TIAM2: variants seen among roughly 807,000 people sequenced by gnomAD.
The protein encoded by TIAM2 is TIAM Rac1 associated GEF 2.
In TIAM2, 80 loss-of-function variants were observed where a neutral mutation model predicts 152.9. The ratio of observed to expected loss-of-function variants is 0.52; its 90% confidence interval spans 0.44 to 0.63. TIAM2 has a LOEUF of 0.63. Among genes scored for constraint, TIAM2 ranks in the 30% least tolerant of loss-of-function variants. TIAM2 has a pLI of 0.00. For missense variants in TIAM2, 1,965 were observed against 2,120.1 expected (o/e 0.93, Z 1.44); for synonymous variants, 804 against 838.0 (o/e 0.96, Z 0.70).
chr6:155,192,429 T>A (rs1473378705), intron 14 of TIAM2, among the ~76,000 whole-genome samples: 1 of 152,214 alleles, frequency 6.6e-6, no homozygotes, highest in Non-Finnish European at 1.5e-5. Flanking sequence ...TTCTTGGACT[T>A]GTCGGTCTCT....
At chr6:154,998,601 G>A (rs1562508733) in intron 1 of TIAM2, among the ~76,000 whole-genome samples, 1 of 152,162 alleles carries the variant, frequency 6.6e-6, no homozygotes, top group African/African-American at 2.4e-5. Context: ...TATCATGCAA[G>A]CATTTATAAG....
chr6:155,253,977 A>C lies in TIAM2; in HGVS notation c.4230A>C (p.Thr1410=). The change falls in exon 25 of 27, where the codon ACA becomes ACC. Residue 1410 remains threonine, a synonymous_variant. Transcript: ENST00000682666. The part of the protein sequence containing the change: ...LQVRLGNPAG[T]ENNSIWELIH... ...TTTCCATTTCCTTTTACATAGGGAC[A>C]GAAAATAATTCCATATGGGAACTGA... The C allele has an allele frequency of 1.2e-6, 2 of 1,612,208 alleles. No homozygotes were observed. The highest frequency in any genetic ancestry group is 1.7e-6 in the Non-Finnish European group (2 of 1,179,478).
intron 6 of TIAM2, among the ~76,000 whole-genome samples, chr6:155,146,909 C>T (rs1779832270): frequency 6.6e-6 from 1 of 151,928 alleles, no homozygotes; most frequent in South Asian, 2.1e-4. Context: ...GCGTGAGCCA[C>T]CACGCCTGTC....
intron 1 of TIAM2, among the ~76,000 whole-genome samples, chr6:155,081,095 A>T (rs895904067): frequency 1.3e-5 from 2 of 152,184 alleles, no homozygotes; most frequent in African/African-American, 4.8e-5. Context: ...GTCTACAGGA[A>T]GGAAAAGTGT....
chr6:155,219,791 A>G (rs1781979870), intron 15 of TIAM2, among the ~76,000 whole-genome samples: 1 of 151,938 alleles, frequency 6.6e-6, no homozygotes, highest in Admixed American at 6.6e-5. Flanking sequence ...GCACACAGAG[A>G]CCTGTTCTTT....
At chr6:155,195,493 C>G (rs1487697370) in intron 14 of TIAM2, among the ~76,000 whole-genome samples, 2 of 152,172 alleles carry the variant, frequency 1.3e-5, no homozygotes, top group African/African-American at 4.8e-5. Context: ...AGGCATTGAT[C>G]TAGGAGGGCT....
intron 14 of TIAM2, among the ~76,000 whole-genome samples, chr6:155,207,577 A>G (rs976222495): frequency 6.6e-6 from 1 of 152,218 alleles, no homozygotes; most frequent in African/African-American, 2.4e-5. Context: ...CCCCAGGGCC[A>G]GCCTCAGTGG....
intron 4 of TIAM2, among the ~76,000 whole-genome samples, chr6:155,136,809 C>G (rs1779566364): frequency 6.6e-6 from 1 of 152,118 alleles, no homozygotes; most frequent in Admixed American, 6.5e-5. Context: ...TGAATTCTTT[C>G]CTGGAAGATA....
intron 11 of TIAM2, 68 bp downstream of exon 11, chr6:155,179,211 T>C (rs1780831515): frequency 2.0e-6 from 3 of 1,514,364 alleles, no homozygotes; most frequent in Middle Eastern, 3.5e-4. Flanking sequence ...TTGAAAAATG[T>C]CATTTTTGGG....
rs375238178 is a variant in TIAM2 at position 155,164,133 on chromosome 6, G to GTT, written c.2029-271_2029-270dup. ...TGGCACCACACCAGCTAATTTTTGT[G>GTT]TTTTTTTTTTTTCTTTTTTTTAGTA... On this transcript the variant is annotated intron_variant, in intron 7 of 26. Coordinates refer to ENST00000682666, the MANE Select transcript of TIAM2 (RefSeq NM_012454.4). Among the ~76,000 whole-genome samples the GTT allele has an allele frequency of 5.5e-4, 65 of 118,048 alleles. 3 individuals carry two copies. Among genetic ancestry groups the GTT allele is most frequent in the African/African-American group, 1.3e-3 (43 of 34,124 alleles). 77.4% of individuals were successfully genotyped at this position (118,048 alleles called of 152,430 possible).
Position 155,253,999 on chromosome 6 carries a change from C to G in TIAM2, c.4252C>G (p.Leu1418Val), listed in dbSNP as rs1367049860. ...GACAGAAAATAATTCCATATGGGAACTGATCCATACGAAGTCAGAAATAGA... is the reference window on the plus strand; with the variant it reads ...GACAGAAAATAATTCCATATGGGAAGTGATCCATACGAAGTCAGAAATAGA... Reference protein sequence around the residue: ...AGTENNSIWELIHTKSEIEGR... With the variant: ...AGTENNSIWEVIHTKSEIEGR... Residue 1418 changes from leucine to valine, a missense_variant, in exon 25 of 27, where the codon CTG (leucine) becomes GTG (valine). Physicochemically the swap from Leu to Val is conservative, Grantham distance 32. Around this residue, in one of 3 missense-constraint regions of TIAM2, gnomAD observed 935 missense variants for 980.0 expected, o/e 0.95. Transcript: ENST00000682666. The G allele has an allele frequency of 1.2e-6, 2 of 1,613,888 alleles. No individual in the cohort carries two copies. The highest frequency in any genetic ancestry group is 2.2e-5 in the East Asian group (1 of 44,896).
At chr6:155,060,345 T>G (rs1562304080) in intron 1 of TIAM2, among the ~76,000 whole-genome samples, 1 of 152,120 alleles carries the variant, frequency 6.6e-6, no homozygotes, top group African/African-American at 2.4e-5. Context: ...GAGTTTGCGG[T>G]GAGCCGAGAT....
At chr6:155,253,074 G>A (rs753256235) in intron 24 of TIAM2, 21 bp downstream of exon 24, 17 of 1,593,560 alleles carry the variant, frequency 1.1e-5, no homozygotes, top group Admixed American at 1.7e-5. Flanking sequence ...CGTGCAGTAT[G>A]ATGCCAGAAA....
chr6:155,048,177 G>A (rs1486108241), intron 1 of TIAM2, among the ~76,000 whole-genome samples: 1 of 152,054 alleles, frequency 6.6e-6, no homozygotes, highest in Non-Finnish European at 1.5e-5. Context: ...GGTTTTGAAC[G>A]CCTGACCTCA....
intron 14 of TIAM2, among the ~76,000 whole-genome samples, chr6:155,196,603 A>T (rs1422536218): frequency 6.6e-6 from 1 of 152,216 alleles, no homozygotes; most frequent in Non-Finnish European, 1.5e-5. Flanking sequence ...ATTCCATTAA[A>T]TTCATCAAAA....
Position 155,101,273 on chromosome 6 carries a change from G to A in TIAM2, c.-118+10894G>A, listed in dbSNP as rs561026612. The stretch of plus-strand genomic sequence containing the variant: ...TTTCTTCTAGTCTTGCCTTCATCTG[G>A]GACATTTTTGCTACCGCATTTCTCA... On this transcript the variant is annotated intron_variant, in intron 2 of 26. Transcript: ENST00000682666. Among the ~76,000 whole-genome samples, 6 of 152,194 alleles carry A rather than the reference G, an allele frequency of 3.9e-5. No individual in the cohort carries two copies. In the South Asian group the frequency reaches 1.0e-3, roughly 26 times the overall value.
intron 12 of TIAM2, among the ~76,000 whole-genome samples, chr6:155,180,246 A>G (rs1167222489): frequency 1.3e-5 from 2 of 152,174 alleles, no homozygotes. Flanking sequence ...AGATTGCACC[A>G]CTGTACTCTA....
chr6:155,193,265 A>G (rs1011876658), intron 14 of TIAM2, among the ~76,000 whole-genome samples: 1 of 152,166 alleles, frequency 6.6e-6, no homozygotes, highest in Non-Finnish European at 1.5e-5. Context: ...TTAGCTGGGC[A>G]TGGTGGCTTG....
At chr6:155,137,921 CT>C (rs1410564881) in intron 5 of TIAM2, among the ~76,000 whole-genome samples, 6 of 152,216 alleles carry the variant, frequency 3.9e-5, no homozygotes. Context: ...ACTGCAACCT[CT>C]GCCTCCCAGG....
Sources: gnomAD v4.1 joint callset for allele counts (sites outside exome capture counted in the v4.1 genomes callset) on GRCh38, gnomAD v4.1.1 for gene constraint, gnomAD v4.1.1 regional missense constraint, MANE v1.5 for transcripts, NCBI Gene and HGNC (gene_info 2026-07-23, HGNC 2026-07-21) for gene names.